The following MS4A4E variants were observed in gnomAD, a reference collection of about 807,000 sequenced individuals.
MS4A4E encodes putative membrane-spanning 4-domains subfamily A member 4E.
In MS4A4E, 23 loss-of-function variants were observed where a neutral mutation model predicts 13.3. That is an observed-to-expected ratio of 1.73 (90% CI 1.25 to 2.45). The LOEUF (loss-of-function observed/expected upper bound fraction) is 2.45. Among genes scored for constraint, MS4A4E ranks in the 30% most tolerant of loss-of-function variants. The probability of loss-of-function intolerance (pLI) is 0.00; values close to 1 mark genes in which losing one functional copy is unlikely to be tolerated. For missense variants in MS4A4E, 144 were observed against 131.2 expected (o/e 1.10, Z -0.48); for synonymous variants, 36 against 45.6 (o/e 0.79, Z 0.85).
chr11:60,212,334 G>A (rs1268311442), intron 5 of MS4A4E, among the ~76,000 whole-genome samples: 2 of 141,856 alleles, frequency 1.4e-5, no homozygotes, highest in South Asian at 2.2e-4. Flanking sequence ...TTTTGAGACA[G>A]AGTCTCACTC....
intron 5 of MS4A4E, chr11:60,209,203 G>A (rs1302016375): frequency 6.6e-6 from 1 of 152,196 alleles, no homozygotes; most frequent in Admixed American, 6.5e-5. Flanking sequence ...CTGAAATCAA[G>A]GTTGCTTATT....
rs1010362542 is a variant in MS4A4E, at chr11:60,229,677, C to T, written c.144+235G>A. Among the ~76,000 whole-genome samples, 11 of 152,082 alleles carry T rather than the reference C, an allele frequency of 7.2e-5. 1 individual carries two copies. The highest frequency in any genetic ancestry group is 6.8e-3 in the Middle Eastern group (2 of 294). ...GTTAAATATAATTATCATGGCTGAC[C>T]CACAACCCTAGAATAGATCTGAAGT... On this transcript the variant is annotated intron_variant, in intron 2 of 8. Coordinates refer to ENST00000651255, the MANE Select transcript of MS4A4E (RefSeq NM_001393391.1).
intron 3 of MS4A4E, chr11:60,225,097 G>A: frequency 6.6e-7 from 1 of 1,521,840 alleles, no homozygotes; most frequent in South Asian, 1.2e-5. Flanking sequence ...GCACAACCTA[G>A]AAATGATGAA....
At chr11:60,211,790 G>GT (rs2084124406) in intron 5 of MS4A4E, among the ~76,000 whole-genome samples, 1 of 152,172 alleles carries the variant, frequency 6.6e-6, no homozygotes, top group African/African-American at 2.4e-5. Flanking sequence ...GCACATGCCT[G>GT]TAATTCCAGC....
intron 4 of MS4A4E, among the ~76,000 whole-genome samples, chr11:60,214,351 A>G (rs1367941252): frequency 6.6e-6 from 1 of 152,158 alleles, no homozygotes; most frequent in Non-Finnish European, 1.5e-5. Flanking sequence ...ATATCTTCAT[A>G]AAGATTCCCT....
rs573391494 is a variant in MS4A4E, at chr11:60,232,431, G to A, written c.-16-2360C>T. 4.6e-5 allele frequency among the ~76,000 whole-genome samples: 7 copies of A among 152,214 alleles called. No individual in the cohort carries two copies. In the South Asian group the frequency reaches 1.5e-3, roughly 32 times the overall value. On this transcript the variant is annotated intron_variant, in intron 1 of 8. Transcript: ENST00000651255. The stretch of plus-strand genomic sequence containing the variant: ...TAGAGCACAGAAACCCAGAATGGCT[G>A]CAGGAAGAAGGAGAGAAAACACCTT...
At chr11:60,215,519 T>C (rs2084182005) in intron 3 of MS4A4E, among the ~76,000 whole-genome samples, 2 of 151,766 alleles carry the variant, frequency 1.3e-5, no homozygotes, top group Non-Finnish European at 1.5e-5. Context: ...TCCAACATTA[T>C]TAGTGACTTA....
chr11:60,216,894 C>T (rs73485303), intron 3 of MS4A4E, among the ~76,000 whole-genome samples: 2,051 of 152,224 alleles, frequency 0.013, 50 homozygotes, highest in African/African-American at 0.046. Flanking sequence ...GTCTTCTGGT[C>T]TTAATAAACT....
At chr11:60,235,043 G>GT (rs1451678722) in intron 1 of MS4A4E, among the ~76,000 whole-genome samples, 1 of 152,178 alleles carries the variant, frequency 6.6e-6, no homozygotes, top group African/African-American at 2.4e-5. Context: ...ATCAAAAACT[G>GT]TCAAAAGAGG....
chr11:60,215,861 A>C (rs937541068), intron 3 of MS4A4E, among the ~76,000 whole-genome samples: 82 of 152,336 alleles, frequency 5.4e-4, no homozygotes, highest in African/African-American at 1.6e-3. Flanking sequence ...AAAATGTTAT[A>C]TACAGAAATT....
At chr11:60,240,143 A>C (rs1170539595) in intron 1 of MS4A4E, among the ~76,000 whole-genome samples, 1 of 152,250 alleles carries the variant, frequency 6.6e-6, no homozygotes, top group Non-Finnish European at 1.5e-5. Context: ...CAAGAGAGGC[A>C]AGAGCTAAAG....
rs577569523 is a variant in MS4A4E, at chr11:60,204,896, A to G, written c.653T>C (p.Ile218Thr). Among the ~76,000 whole-genome samples, 2 of 152,268 alleles carry G rather than the reference A, an allele frequency of 1.3e-5. No individual in the cohort carries two copies. Among genetic ancestry groups the G allele is most frequent in the South Asian group, 4.1e-4 (2 of 4,830 alleles). Residue 218 changes from isoleucine (I) to threonine (T), a missense_variant, in exon 8 of 9, where the codon ATT becomes ACT. By Grantham distance (89) the Ile-to-Thr change is moderately conservative (BLOSUM62 -1). Around this residue, in one of 3 missense-constraint regions of MS4A4E, gnomAD observed 21 missense variants for 25.1 expected, o/e 0.84. Transcript: ENST00000651255. ...GTGGTTCTTGCTAGATTACCTTTCA[A>G]TCCTCAACCAAGAAGATAGAATGTC... ...YYDILSSWLR[I>T]ESIYRVLNGA...
At chr11:60,226,522 T>G (rs1352325127) in intron 3 of MS4A4E, among the ~76,000 whole-genome samples, 1 of 152,104 alleles carries the variant, frequency 6.6e-6, no homozygotes, top group African/African-American at 2.4e-5. Flanking sequence ...ATCAACAGGC[T>G]AAAAGGAAGA....
At chr11:60,231,419 C>T (rs1314109276) in intron 1 of MS4A4E, among the ~76,000 whole-genome samples, 1 of 151,964 alleles carries the variant, frequency 6.6e-6, no homozygotes, top group Non-Finnish European at 1.5e-5. Context: ...TTATTCTTAT[C>T]TCATCTAGAA....
chr11:60,232,285 A>ACACACACACACACACACACG (rs1491101945), intron 1 of MS4A4E, among the ~76,000 whole-genome samples: 1 of 11,592 alleles, frequency 8.6e-5, no homozygotes, highest in Non-Finnish European at 1.9e-4. Context: ...ATCGCCATCA[A>ACACACACACACACACACACG]CACACACACA....
intron 1 of MS4A4E, among the ~76,000 whole-genome samples, chr11:60,242,103 G>A (rs1436262660): frequency 6.6e-6 from 1 of 152,190 alleles, no homozygotes; most frequent in Non-Finnish European, 1.5e-5. Flanking sequence ...AATGAGGCCT[G>A]AATCTGGATG....
chr11:60,225,031 T>C, intron 3 of MS4A4E: 1 of 1,562,582 alleles, frequency 6.4e-7, no homozygotes, highest in East Asian at 2.3e-5. Flanking sequence ...AAGAACTAAA[T>C]GCAACACACA....
intron 4 of MS4A4E, chr11:60,213,379 A>G: frequency 7.2e-7 from 1 of 1,395,302 alleles, no homozygotes; most frequent in South Asian, 1.3e-5. Flanking sequence ...AGGGTTTTCA[A>G]TGATTTTTTA....
chr11:60,239,586 T>C lies in MS4A4E; in HGVS notation c.-17+3372A>G, dbSNP rs1309618014. Among the ~76,000 whole-genome samples, 11 of 152,306 alleles carry C rather than the reference T, an allele frequency of 7.2e-5. No individual in the cohort carries two copies. The East Asian group carries it at 2.1e-3, about 29-fold the overall frequency. On this transcript the variant is annotated intron_variant, in intron 1 of 8. Coordinates refer to ENST00000651255, the MANE Select transcript of MS4A4E (RefSeq NM_001393391.1). ...TTGACTCTTCCTCTCTTTTGCAGTT[T>C]GTCTCAAAGATTGGTCAGAAGAGTC...
Sources: gnomAD v4.1 joint callset for allele counts (sites outside exome capture counted in the v4.1 genomes callset) on GRCh38, gnomAD v4.1.1 for gene constraint, gnomAD v4.1.1 regional missense constraint, MANE v1.5 for transcripts, NCBI Gene and HGNC (gene_info 2026-07-23, HGNC 2026-07-21) for gene names.